The following PACS1 variants were observed in gnomAD, a reference collection of about 807,000 sequenced individuals.
The protein encoded by PACS1 is phosphofurin acidic cluster sorting protein 1.
In PACS1, 24 loss-of-function variants were observed where a neutral mutation model predicts 115.0. The ratio of observed to expected loss-of-function variants is 0.21; its 90% CI spans 0.15 to 0.29. The LOEUF (loss-of-function observed/expected upper bound fraction) is 0.29, where lower values mean the gene tolerates loss of function less well. PACS1 is among the 10% of genes least tolerant of loss of function. The pLI, the probability that PACS1 is intolerant of heterozygous loss-of-function variation, is 1.00. For synonymous variants in PACS1, 453 were observed against 504.5 expected, an observed-to-expected ratio of 0.90 and a Z score of 1.37; for missense variants, 838 against 1,251.2, an observed-to-expected ratio of 0.67 and a Z score of 4.98.
intron 1 of PACS1, among the ~76,000 whole-genome samples, chr11:66,187,075 CTT>C (rs1402598121): frequency 6.6e-6 from 1 of 152,142 alleles, no homozygotes; most frequent in Non-Finnish European, 1.5e-5. Flanking sequence ...ATAGCTTGGT[CTT>C]TTTTGTGTAC....
chr11:66,153,967 T>G (rs1220207294), intron 1 of PACS1, among the ~76,000 whole-genome samples: 1 of 152,032 alleles, frequency 6.6e-6, no homozygotes, highest in African/African-American at 2.4e-5. Context: ...TGGAAAAAGA[T>G]TATACCATGA....
chr11:66,182,471 T>C (rs1169908841), intron 1 of PACS1, among the ~76,000 whole-genome samples: 1 of 147,608 alleles, frequency 6.8e-6, no homozygotes, highest in African/African-American at 2.6e-5. Flanking sequence ...TTGCTTTGCT[T>C]TTTTTTTTTC....
At chr11:66,123,288 T>A (rs906219570) in intron 1 of PACS1, among the ~76,000 whole-genome samples, 1 of 150,786 alleles carries the variant, frequency 6.6e-6, no homozygotes, top group African/African-American at 2.4e-5. Flanking sequence ...GCCTTCTGGG[T>A]TCAAGCAATT....
chr11:66,085,688 C>T (rs547949257), intron 1 of PACS1, among the ~76,000 whole-genome samples: 2 of 152,316 alleles, frequency 1.3e-5, no homozygotes, highest in East Asian at 3.8e-4. Context: ...TAGTTCTCAA[C>T]CCTGTCATAC....
intron 1 of PACS1, among the ~76,000 whole-genome samples, chr11:66,094,823 C>T (rs1319641664): frequency 2.0e-5 from 3 of 152,162 alleles, no homozygotes; most frequent in African/African-American, 7.2e-5. Flanking sequence ...CCGAATCCAG[C>T]AGCACATCCA....
rs546688020 is a variant in PACS1 at position 66,208,388 on chromosome 11, C to T, written c.445-1974C>T. On this transcript the variant is annotated intron_variant, in intron 2 of 23. Transcript: ENST00000320580. ...ATCCCAGCACTTTGGGAGGCAGTGGCAGGAAGATTACTTGAGCCGAGGAGT... is the reference window on the plus strand; with the variant it reads ...ATCCCAGCACTTTGGGAGGCAGTGGTAGGAAGATTACTTGAGCCGAGGAGT... 1.4e-4 allele frequency among the ~76,000 whole-genome samples: 22 copies of T among 152,138 alleles called. No individual in the cohort carries two copies. In the South Asian group the frequency reaches 4.4e-3, roughly 30 times the overall value.
chr11:66,205,888 CTG>C (rs1376684429), intron 2 of PACS1, among the ~76,000 whole-genome samples: 5 of 152,160 alleles, frequency 3.3e-5, no homozygotes, highest in African/African-American at 1.2e-4. Context: ...TGGTTCATGT[CTG>C]TAAATCCCAG....
At chr11:66,209,346 A>C (rs1056341561) in intron 2 of PACS1, among the ~76,000 whole-genome samples, 1 of 152,086 alleles carries the variant, frequency 6.6e-6, no homozygotes, top group Non-Finnish European at 1.5e-5. Context: ...AGGGCTGTCT[A>C]ACCCAAATAT....
intron 1 of PACS1, among the ~76,000 whole-genome samples, chr11:66,127,665 G>C (rs544821624): frequency 1.3e-5 from 2 of 152,190 alleles, no homozygotes; most frequent in African/African-American, 4.8e-5. Flanking sequence ...AGCGGCTCAA[G>C]GACTGCTTGT....
At chr11:66,086,377 A>G (rs1298259759) in intron 1 of PACS1, among the ~76,000 whole-genome samples, 5 of 152,034 alleles carry the variant, frequency 3.3e-5, no homozygotes, top group Admixed American at 3.3e-4. Context: ...TGACCTCGTG[A>G]TCCACCCGCC....
At chr11:66,142,492 G>A (rs1859016236) in intron 1 of PACS1, among the ~76,000 whole-genome samples, 1 of 151,676 alleles carries the variant, frequency 6.6e-6, no homozygotes, top group African/African-American at 2.4e-5. Context: ...TTTTTTAGTA[G>A]GGATGGGGTT....
intron 1 of PACS1, among the ~76,000 whole-genome samples, chr11:66,150,076 A>C (rs550645501): frequency 6.6e-6 from 1 of 151,918 alleles, no homozygotes; most frequent in Admixed American, 6.6e-5. Flanking sequence ...TATTTGTTCA[A>C]TTTCTCCCCC....
intron 1 of PACS1, among the ~76,000 whole-genome samples, chr11:66,137,139 G>A (rs1022278620): frequency 2.0e-5 from 3 of 150,708 alleles, no homozygotes; most frequent in Non-Finnish European, 2.9e-5. Context: ...AATGACCTCT[G>A]GACTTCATGT....
rs59176258 is a variant in PACS1, at chr11:66,169,566, ATTTTT to A, written c.357-23906_357-23902del. Among the ~76,000 whole-genome samples, 43 of 115,280 alleles carry A rather than the reference ATTTTT, an allele frequency of 3.7e-4. 1 individual carries two copies. Among genetic ancestry groups the A allele is most frequent in the East Asian group, 7.1e-4 (3 of 4,202 alleles). 75.6% of individuals were successfully genotyped at this position (115,280 alleles called of 152,430 possible). Reference sequence around the variant, plus strand: ...AGGTGTGTGCCACCACGCCCGGCTAATTTTTTTTTTTTTTTTTTGTATCTTTAGTA... The same window carrying A: ...AGGTGTGTGCCACCACGCCCGGCTAATTTTTTTTTTTTTGTATCTTTAGTA... On this transcript the variant is annotated intron_variant, in intron 1 of 23. Transcript: ENST00000320580.
intron 23 of PACS1, 24 bp from the exon 24 acceptor site, chr11:66,243,141 C>T (rs1466071528): frequency 1.9e-6 from 3 of 1,611,762 alleles, no homozygotes; most frequent in Admixed American, 1.7e-5. Context: ...AGTCTGGTCA[C>T]CCCTCCTCTC....
At chr11:66,128,147 A>T (rs1214638033) in intron 1 of PACS1, among the ~76,000 whole-genome samples, 1 of 152,248 alleles carries the variant, frequency 6.6e-6, no homozygotes, top group African/African-American at 2.4e-5. Flanking sequence ...GTCATATATG[A>T]TTGATTCAGA....
At chr11:66,100,928 G>A (rs1214376169) in intron 1 of PACS1, 8 of 456,114 alleles carry the variant, frequency 1.8e-5, no homozygotes, top group African/African-American at 1.2e-4. Flanking sequence ...GCGAGCTGGC[G>A]GAAGCCTCAG....
intron 1 of PACS1, among the ~76,000 whole-genome samples, chr11:66,094,513 G>C (rs1251803822): frequency 3.7e-4 from 57 of 152,022 alleles, no homozygotes; most frequent in African/African-American, 1.1e-3. Flanking sequence ...TTGAATCTCT[G>C]AATAGACCAA....
chr11:66,241,809 G>A (rs1855820636), intron 22 of PACS1, among the ~76,000 whole-genome samples, 156 bp downstream of exon 22: 1 of 152,176 alleles, frequency 6.6e-6, no homozygotes, highest in South Asian at 2.1e-4. Context: ...ACCTCCCCTC[G>A]AGGGACAAGG....
Sources: gnomAD v4.1 joint callset for allele counts (sites outside exome capture counted in the v4.1 genomes callset) on GRCh38, gnomAD v4.1.1 for gene constraint, MANE v1.5 for transcripts, NCBI Gene and HGNC (gene_info 2026-07-23, HGNC 2026-07-21) for gene names.